Variants in ELP1 observed in about 807,000 individuals in gnomAD.
ELP1 encodes elongator complex protein 1.
Under a neutral mutation model 183.2 loss-of-function variants are expected in ELP1, and 131 were observed. The ratio of observed to expected loss-of-function variants is 0.72; its 90% CI spans 0.62 to 0.83. The LOEUF (loss-of-function observed/expected upper bound fraction) is 0.83. Among genes scored for constraint, ELP1 ranks in the 40% least tolerant of loss-of-function variants. The probability of loss-of-function intolerance (pLI) is 0.00; values close to 1 mark genes in which losing one functional copy is unlikely to be tolerated. For synonymous variants in ELP1, 555 were observed against 569.0 expected, an observed-to-expected ratio of 0.98 and a Z score of 0.35; for missense variants, 1,550 against 1,594.9, an observed-to-expected ratio of 0.97 and a Z score of 0.48.
intron 31 of ELP1, among the ~76,000 whole-genome samples, chr9:108,880,704 A>G (rs901957361): frequency 2.0e-5 from 3 of 152,232 alleles, no homozygotes; most frequent in Admixed American, 6.5e-5. Flanking sequence ...TTTTGGGCCT[A>G]TGTAGATGAA....
At chr9:108,899,603 T>C (rs887539220) in intron 20 of ELP1, among the ~76,000 whole-genome samples, 3 of 151,488 alleles carry the variant, frequency 2.0e-5, no homozygotes, top group African/African-American at 7.3e-5. Context: ...CTTTATATGA[T>C]GAGTGTCACG....
Position 108,882,889 on chromosome 9 carries a change from A to G in ELP1, c.3223-702T>C, listed in dbSNP as rs1587876096. ...TTTACAGGCGTTTGCTCATTTCAAA[A>G]TTGATTTAACTGGCTTTCTGTTGTT... On this transcript the variant is annotated intron_variant, in intron 29 of 36. Transcript: ENST00000374647. 1.3e-5 allele frequency among the ~76,000 whole-genome samples: 2 copies of G among 152,308 alleles called. 1 individual carries two copies. The highest frequency in any genetic ancestry group is 4.1e-4 in the South Asian group (2 of 4,830).
chr9:108,902,726 T>G, intron 16 of ELP1, 113 bp downstream of exon 16: 3 of 768,678 alleles, frequency 3.9e-6, no homozygotes, highest in Non-Finnish European at 7.1e-6. Flanking sequence ...CACTATTGTC[T>G]AGGCATTTAG....
Position 108,912,346 on chromosome 9 carries a change from G to A in ELP1, c.1107C>T (p.Leu369=), listed in dbSNP as rs1259460083. ...LHVLCQGWHY[L]AYDWHWTTDR... is the part of the protein sequence containing the mutation. ...CAGTCGTCCAGTGCCAATCATAGGC[G>A]AGGTAATGCCAGCCCTGACAGAGAA... Residue 369 remains leucine (L), a synonymous_variant, in exon 11 of 37, where the codon CTC becomes CTT. Coordinates refer to ENST00000374647, the MANE Select transcript of ELP1 (RefSeq NM_003640.5). 17 of 1,614,174 alleles carry A rather than the reference G, an allele frequency of 1.1e-5. No homozygotes were observed. Among genetic ancestry groups the A allele is most frequent in the East Asian group, 4.5e-5 (2 of 44,876 alleles).
chr9:108,894,425 G>A (rs1331638820), intron 25 of ELP1, among the ~76,000 whole-genome samples: 3 of 152,022 alleles, frequency 2.0e-5, no homozygotes, highest in African/African-American at 7.2e-5. Flanking sequence ...GGACACAAAG[G>A]GCCAACTGTG....
chr9:108,926,412 G>T, intron 5 of ELP1, 111 bp downstream of exon 5: 1 of 842,142 alleles, frequency 1.2e-6, no homozygotes, highest in Admixed American at 2.0e-5. Flanking sequence ...ATAGCTGGGG[G>T]TTTAACTTTC....
intron 8 of ELP1, among the ~76,000 whole-genome samples, chr9:108,918,335 G>C (rs187744843): frequency 7.2e-5 from 11 of 152,194 alleles, no homozygotes; most frequent in Non-Finnish European, 1.2e-4. Flanking sequence ...TGGAAGGAAA[G>C]AGCAGGGTCT....
chr9:108,893,983 C>T lies in ELP1; in HGVS notation c.2820G>A (p.Leu940=), dbSNP rs1384280996. 1 of 1,612,980 alleles carries T rather than the reference C, an allele frequency of 6.2e-7. No homozygotes were observed. Among genetic ancestry groups the T allele is most frequent in the Non-Finnish European group, 8.5e-7 (1 of 1,179,126 alleles). The stretch of plus-strand genomic sequence containing the variant: ...GGCCAATGGCTTTTTCATATCGTTT[C>T]AAGTATTTGTCTATAGTAAACCGCT... ...NYQRFTIDKY[L]KRYEKAIGHL... Residue 940 remains leucine (L), a synonymous_variant, in exon 26 of 37, where the codon TTG becomes TTA. Coordinates refer to ENST00000374647, the MANE Select transcript of ELP1 (RefSeq NM_003640.5).
intron 29 of ELP1, among the ~76,000 whole-genome samples, chr9:108,888,440 G>A (rs1044559130): frequency 2.6e-5 from 4 of 152,082 alleles, no homozygotes; most frequent in African/African-American, 4.8e-5. Flanking sequence ...TTTATTGTAT[G>A]TAAATTACAC....
intron 36 of ELP1, among the ~76,000 whole-genome samples, chr9:108,870,061 G>A (rs116823726): frequency 0.026 from 3,911 of 151,690 alleles, 160 homozygotes; most frequent in African/African-American, 0.091. Flanking sequence ...CTGCAGCCTC[G>A]ACCCCCTGGG....
chr9:108,886,984 G>A (rs375650396), intron 29 of ELP1, among the ~76,000 whole-genome samples: 5 of 151,046 alleles, frequency 3.3e-5, no homozygotes, highest in Admixed American at 1.3e-4. Flanking sequence ...TGAGACAGGC[G>A]AATTGCTTGA....
chr9:108,877,362 T>C (rs1453173884), intron 35 of ELP1, among the ~76,000 whole-genome samples: 1 of 152,220 alleles, frequency 6.6e-6, no homozygotes, highest in African/African-American at 2.4e-5. Context: ...GATAAAATAA[T>C]AGATAGGCTT....
chr9:108,888,905 A>G (rs1396140970), intron 29 of ELP1, among the ~76,000 whole-genome samples: 1 of 152,222 alleles, frequency 6.6e-6, no homozygotes, highest in Non-Finnish European at 1.5e-5. Context: ...ACTTATCCTT[A>G]TAATCTGCTG....
rs112610179 is a variant in ELP1 at position 108,921,355 on chromosome 9, T to C, written c.552+1487A>G. Among the ~76,000 whole-genome samples, 300 of 152,236 alleles carry C rather than the reference T, an allele frequency of 2.0e-3. 2 individuals carry two copies. The highest frequency in any genetic ancestry group is 6.8e-3 in the African/African-American group (283 of 41,546). On this transcript the variant is annotated intron_variant, in intron 6 of 36. Transcript: ENST00000374647. The stretch of plus-strand genomic sequence containing the variant: ...GGCACTTCATACAAATGGGATCATA[T>C]TATATGTGATCTTTTATGACTGGCT...
In ELP1 at chr9:108,868,908, A is replaced by G. The variant is rs1827332299; in HGVS notation, c.*207T>C. The G allele has an allele frequency of 3.2e-6, 2 of 628,116 alleles. No individual in the cohort carries two copies. Among genetic ancestry groups the G allele is most frequent in the African/African-American group, 1.8e-5 (1 of 54,814 alleles). The allele number at this position is 628,116 out of a possible 1,614,324, so 38.9% of individuals were successfully genotyped here. The stretch of plus-strand genomic sequence containing the variant: ...ATGGTGCCATAATGGTTAAAGCTTA[A>G]TGTCTTGCTAATGATCAAGATGTAT... On this transcript the variant is annotated 3_prime_UTR_variant, in exon 37 of 37. Transcript: ENST00000374647.
At chr9:108,879,600 A>G (rs1827841391) in intron 32 of ELP1, 43 bp from the exon 33 acceptor site, 2 of 1,383,134 alleles carry the variant, frequency 1.4e-6, no homozygotes, top group South Asian at 2.3e-5. Flanking sequence ...ACTGCCTGCT[A>G]ATGTGTGGGT....
intron 31 of ELP1, 101 bp from the exon 32 acceptor site, chr9:108,880,266 G>GA: frequency 1.3e-6 from 1 of 782,932 alleles, no homozygotes; most frequent in Non-Finnish European, 2.3e-6. Context: ...TCAGCAAAAA[G>GA]AAAGAGGTTA....
intron 36 of ELP1, among the ~76,000 whole-genome samples, chr9:108,870,969 A>ATTTTTTTTTTT (rs33952302): frequency 1.2e-5 from 1 of 83,566 alleles, no homozygotes; most frequent in African/African-American, 4.9e-5. Context: ...TTCATGCACC[A>ATTTTTTTTTTT]TTTTTTTTTT....
chr9:108,922,663 A>G (rs1308548549), intron 6 of ELP1, among the ~76,000 whole-genome samples, 179 bp downstream of exon 6: 1 of 152,214 alleles, frequency 6.6e-6, no homozygotes, highest in Non-Finnish European at 1.5e-5. Context: ...ACTTGGCAAT[A>G]ACAAGGAAAA....
Sources: allele counts gnomAD v4.1 joint callset (sites outside exome capture counted in the v4.1 genomes callset), GRCh38; gene constraint gnomAD v4.1.1; transcripts MANE v1.5; gene names NCBI Gene and HGNC (gene_info 2026-07-23, HGNC 2026-07-21).